Variants in CRMP1 observed in about 807,000 individuals in gnomAD.
CRMP1 encodes the protein collapsin response mediator protein 1, also known as dihydropyrimidinase-related protein 1.
A neutral mutation model predicts 68.3 loss-of-function variants in CRMP1; 19 were observed. The ratio of observed to expected loss-of-function variants is 0.28; its 90% CI spans 0.19 to 0.41. The LOEUF is 0.41. Among genes scored for constraint, CRMP1 ranks in the 10% least tolerant of loss-of-function variants. The pLI is 1.00. For synonymous variants in CRMP1, 439 were observed against 399.6 expected (o/e 1.10, Z -1.18); for missense variants, 791 against 967.4 (o/e 0.82, Z 2.42).
chr4:5,821,102 T>A lies in CRMP1; in HGVS notation c.*658A>T, dbSNP rs1164177873. The A allele has an allele frequency of 6.6e-6, 1 of 152,362 alleles. No individual in the cohort carries two copies. Among genetic ancestry groups the A allele is most frequent in the Non-Finnish European group, 1.5e-5 (1 of 68,162 alleles). The allele number at this position is 152,362 out of a possible 1,614,324, so 9.4% of individuals were successfully genotyped here. The stretch of plus-strand genomic sequence containing the variant: ...AGAAGACAGCACGGTGAGTTACAAG[T>A]GCCACGGAGACCAGGGTTTCTGACA... On this transcript the variant is annotated 3_prime_UTR_variant, in exon 14 of 14. Transcript: ENST00000324989. This position sits in a 1 kb window ranked among gnomAD's most constrained non-coding sequence, Gnocchi z 4.4.
rs563821738 is a variant in CRMP1, at chr4:5,867,588, C to T, written c.382-832G>A. Among the ~76,000 whole-genome samples the T allele has an allele frequency of 6.1e-4, 93 of 152,296 alleles. 2 individuals carry two copies. The South Asian group carries it at 8.1e-3, about 13-fold the overall frequency. On this transcript the variant is annotated intron_variant, in intron 1 of 13. Coordinates refer to ENST00000324989, the MANE Select transcript of CRMP1 (RefSeq NM_001014809.3). ...CACATCCACTCACTCATCCAAGCAC[C>T]GATCAGCTACCGACTGATGCTCTCA...
chr4:5,887,204 T>C (rs1577853436), intron 1 of CRMP1, among the ~76,000 whole-genome samples: 1 of 152,040 alleles, frequency 6.6e-6, no homozygotes, highest in Non-Finnish European at 1.5e-5. Context: ...GGCAGGTGAG[T>C]GCAAGTGTCA....
Position 5,839,649 on chromosome 4 carries a change from C to T in CRMP1, c.1183G>A (p.Ala395Thr). ...TGGGTGCCATCGGTCCCCAGGCTGG[C>T]GGCAATGGGCTCTCCAAAAACTAGG... ...GPLVFGEPIA[A>T]SLGTDGTHYW... The change falls in exon 9 of 14, where the codon GCC (alanine) becomes ACC (threonine). Residue 395 changes from alanine to threonine, a missense_variant. Ala to Thr is a moderately conservative substitution (Grantham distance 58). This residue lies in a region of CRMP1 where 594 missense variants were observed against 763.6 expected (regional missense o/e 0.78). Transcript: ENST00000324989. 1 of 1,612,778 alleles carries T rather than the reference C, an allele frequency of 6.2e-7. No individual in the cohort carries two copies.
intron 13 of CRMP1, among the ~76,000 whole-genome samples, chr4:5,822,493 AGG>A (rs56927662): frequency 0.13 from 17,785 of 134,148 alleles, 1,594 homozygotes; most frequent in African/African-American, 0.26. Context: ...GTGGATCTGA[AGG>A]GGGGGGGGGT....
chr4:5,842,066 T>A lies in CRMP1; in HGVS notation c.1033-638A>T, dbSNP rs1052378918. Among the ~76,000 whole-genome samples the A allele has an allele frequency of 6.6e-6, 1 of 152,132 alleles. No individual in the cohort carries two copies. Among genetic ancestry groups the A allele is most frequent in the African/African-American group, 2.4e-5 (1 of 41,438 alleles). ...CATCCTGGCTAACACGGTGAAACCC[T>A]GTCTCTACTGAAAATACAAAAAATT... On this transcript the variant is annotated intron_variant, in intron 7 of 13. Transcript: ENST00000324989. The surrounding 1 kb of genome is among the most constrained non-coding windows in gnomAD (Gnocchi z 4.5).
Position 5,843,338 on chromosome 4 carries a change from C to A in CRMP1, c.964-177G>T, listed in dbSNP as rs1419902516. ...TGAACTGTGTCCCCTCCACTACACA[C>A]CCATCCACCTTCCCCTTTGTAGCCC... On this transcript the variant is annotated intron_variant, in intron 6 of 13. Transcript: ENST00000324989. The surrounding 1 kb of genome is among the most constrained non-coding windows in gnomAD (Gnocchi z 4.1). Among the ~76,000 whole-genome samples the A allele has an allele frequency of 1.3e-5, 2 of 152,102 alleles. No individual in the cohort carries two copies. Among genetic ancestry groups the A allele is most frequent in the African/African-American group, 2.4e-5 (1 of 41,424 alleles).
chr4:5,861,117 C>G lies in CRMP1; in HGVS notation c.564G>C (p.Thr188=). The part of the protein sequence containing the change: ...MVIPGGIDVN[T]YLQKPSQGMT... ...TCCCCTGGGAGGGCTTCTGCAGGTA[C>G]GTGTTGACATCAATACCTCCGGGAA... Residue 188 remains threonine (T), a synonymous_variant, in exon 3 of 14, where the codon ACG becomes ACC. Coordinates refer to ENST00000324989, the MANE Select transcript of CRMP1 (RefSeq NM_001014809.3). This position sits in a 1 kb window ranked among gnomAD's most constrained non-coding sequence, Gnocchi z 6.0. 6.2e-7 allele frequency: 1 copy of G among 1,614,198 alleles called. No individual in the cohort carries two copies. Among genetic ancestry groups the G allele is most frequent in the East Asian group, 2.2e-5 (1 of 44,882 alleles).
intron 1 of CRMP1, among the ~76,000 whole-genome samples, chr4:5,876,404 A>G (rs933305827): frequency 1.3e-5 from 2 of 152,120 alleles, no homozygotes; most frequent in African/African-American, 2.4e-5. Flanking sequence ...AGGGTCTCAG[A>G]GGCCACGCAA....
At chr4:5,876,871 C>T (rs917868549) in intron 1 of CRMP1, among the ~76,000 whole-genome samples, 1 of 151,978 alleles carries the variant, frequency 6.6e-6, no homozygotes, top group Non-Finnish European at 1.5e-5. Context: ...ATCTAGATTA[C>T]AAGCCAGGAA....
chr4:5,839,836 G>A (rs1479621188), intron 8 of CRMP1, among the ~76,000 whole-genome samples, 158 bp from the exon 9 acceptor site: 1 of 152,240 alleles, frequency 6.6e-6, no homozygotes, highest in Admixed American at 6.5e-5. Context: ...GCACCGCAGG[G>A]ACCTTGGGTG....
chr4:5,864,419 A>G (rs561641822), intron 2 of CRMP1, among the ~76,000 whole-genome samples: 3 of 152,216 alleles, frequency 2.0e-5, no homozygotes, highest in Non-Finnish European at 4.4e-5. Flanking sequence ...ACATCCTGAC[A>G]CCCTTCCCCA....
At chr4:5,851,749 A>G (rs550587231) in intron 4 of CRMP1, among the ~76,000 whole-genome samples, 2 of 150,712 alleles carry the variant, frequency 1.3e-5, no homozygotes, top group Admixed American at 1.3e-4. Flanking sequence ...GAGGAGGAAG[A>G]GGAGAAGGAG....
intron 4 of CRMP1, among the ~76,000 whole-genome samples, chr4:5,852,615 T>G (rs994025491): frequency 2.0e-5 from 3 of 152,228 alleles, no homozygotes; most frequent in African/African-American, 7.2e-5. Flanking sequence ...AAGGCATCTT[T>G]CATGAAATCA....
chr4:5,866,560 G>A lies in CRMP1; in HGVS notation c.470+108C>T, dbSNP rs1294774732. The stretch of plus-strand genomic sequence containing the variant: ...GTGAGGTCTCTACCCCTGAAACACA[G>A]GTACACAGCCCCGTCATTCTAGGAC... On this transcript the variant is annotated intron_variant, in intron 2 of 13. Transcript: ENST00000324989. This position sits in a 1 kb window ranked among gnomAD's most constrained non-coding sequence, Gnocchi z 5.9. 2.6e-6 allele frequency: 2 copies of A among 773,392 alleles called. No individual in the cohort carries two copies. Among genetic ancestry groups the A allele is most frequent in the African/African-American group, 1.8e-5 (1 of 56,672 alleles). The allele number at this position is 773,392 out of a possible 1,614,324, so 47.9% of individuals were successfully genotyped here.
At position 5,869,591 on chromosome 4, in the gene CRMP1, G is replaced by A. The variant is rs375728436; in HGVS notation, c.382-2835C>T. Among the ~76,000 whole-genome samples, 6 of 150,948 alleles carry A rather than the reference G, an allele frequency of 4.0e-5. No individual in the cohort carries two copies. The East Asian group carries it at 5.9e-4, about 15-fold the overall frequency. On this transcript the variant is annotated intron_variant, in intron 1 of 13. Coordinates refer to ENST00000324989, the MANE Select transcript of CRMP1 (RefSeq NM_001014809.3). ...CCCAGCTACTCAGGAGGCTGAGGCA[G>A]GAGAATGTCATGAACCCGGAACGCA...
intron 4 of CRMP1, among the ~76,000 whole-genome samples, chr4:5,852,594 A>C (rs1712740848): frequency 6.6e-6 from 1 of 152,238 alleles, no homozygotes; most frequent in East Asian, 1.9e-4. Flanking sequence ...CTTGAGATAC[A>C]GAAGTTACTA....
In CRMP1 at chr4:5,828,581, C is replaced by T. The variant is rs1287440264; in HGVS notation, c.1711G>A (p.Gly571Arg). The change falls in exon 12 of 14, where the codon GGA becomes AGA. Residue 571 changes from glycine (G) to arginine (R), a missense_variant. Transcript: ENST00000324989. ...ATGCCCTTGTTGACGTTGATGTTTCCGTCTTCAAAGACGATCTTGCCCTGG... is the reference window on the plus strand; with the variant it reads ...ATGCCCTTGTTGACGTTGATGTTTCTGTCTTCAAAGACGATCTTGCCCTGG... Reference protein sequence around the residue: ...ISQGKIVFEDGNINVNKGMGR... With the variant: ...ISQGKIVFEDRNINVNKGMGR... The T allele has an allele frequency of 8.1e-6, 13 of 1,614,202 alleles. No individual in the cohort carries two copies. Among genetic ancestry groups the T allele is most frequent in the Non-Finnish European group, 1.1e-5 (13 of 1,180,032 alleles).
chr4:5,837,467 A>G (rs1248023627), intron 9 of CRMP1, among the ~76,000 whole-genome samples: 2 of 150,090 alleles, frequency 1.3e-5, no homozygotes, highest in Non-Finnish European at 3.0e-5. Flanking sequence ...TACTAAAAAA[A>G]AAAAAAAAAA....
chr4:5,860,538 C>T lies in CRMP1; in HGVS notation c.655+488G>A, dbSNP rs1390115214. On this transcript the variant is annotated intron_variant, in intron 3 of 13. Transcript: ENST00000324989. This position sits in a 1 kb window ranked among gnomAD's most constrained non-coding sequence, Gnocchi z 4.2. ...CTGTGTCTCCTTGGGCAAGTTGCTT[C>T]ACCTCTCTGAGCCTCTATTCTCCCA... Among the ~76,000 whole-genome samples, 1 of 152,196 alleles carries T rather than the reference C, an allele frequency of 6.6e-6. No individual in the cohort carries two copies. The highest frequency in any genetic ancestry group is 1.5e-5 in the Non-Finnish European group (1 of 68,042).
Sources: gnomAD v4.1 joint callset for allele counts (sites outside exome capture counted in the v4.1 genomes callset) on GRCh38, gnomAD v4.1.1 for gene constraint, gnomAD v4.1.1 regional missense constraint, Gnocchi (gnomAD v3.1) non-coding constraint, MANE v1.5 for transcripts, NCBI Gene and HGNC (gene_info 2026-07-23, HGNC 2026-07-21) for gene names.